Variants in CNTNAP5 observed in about 807,000 individuals in gnomAD.
CNTNAP5 encodes the protein contactin associated protein family member 5, also known as contactin-associated protein-like 5.
Under a neutral mutation model 150.2 loss-of-function variants are expected in CNTNAP5, and 72 were observed. The observed-to-expected ratio is 0.48, with a 90% CI of 0.40 to 0.58. The LOEUF (loss-of-function observed/expected upper bound fraction) is 0.58, where lower values mean the gene tolerates loss of function less well. CNTNAP5 is among the 20% of genes least tolerant of loss of function. The pLI, the probability that CNTNAP5 is intolerant of heterozygous loss-of-function variation, is 0.00. For missense variants in CNTNAP5, 1,636 were observed against 1,626.2 expected (o/e 1.01, Z -0.10); for synonymous variants, 672 against 619.8 (o/e 1.08, Z -1.25).
At chr2:124,588,214 T>TTC (rs1469901417) in intron 11 of CNTNAP5, among the ~76,000 whole-genome samples, 2 of 148,552 alleles carry the variant, frequency 1.3e-5, no homozygotes, top group African/African-American at 2.5e-5. Flanking sequence ...CTTTCTTTCT[T>TTC]TCTTTCTTTC....
At chr2:124,275,510 C>T (rs1687863322) in intron 3 of CNTNAP5, among the ~76,000 whole-genome samples, 1 of 152,098 alleles carries the variant, frequency 6.6e-6, no homozygotes, top group South Asian at 2.1e-4. Context: ...TGCATGGGCC[C>T]AGGTCCTGAC....
chr2:124,583,540 AC>A (rs1439456276), intron 11 of CNTNAP5, among the ~76,000 whole-genome samples: 11 of 152,218 alleles, frequency 7.2e-5, no homozygotes, highest in Non-Finnish European at 1.6e-4. Flanking sequence ...CATTAAAATA[AC>A]TTTTGTGAAG....
chr2:124,457,780 G>T (rs1310579745), intron 6 of CNTNAP5, among the ~76,000 whole-genome samples: 2 of 151,958 alleles, frequency 1.3e-5, no homozygotes, highest in African/African-American at 4.8e-5. Flanking sequence ...CTCAAAAGAA[G>T]ATATACAAAT....
intron 10 of CNTNAP5, among the ~76,000 whole-genome samples, chr2:124,533,878 G>C (rs1448656944): frequency 6.6e-6 from 1 of 152,206 alleles, no homozygotes; most frequent in African/African-American, 2.4e-5. Flanking sequence ...ACTGTTTGTT[G>C]TGAGGTACCC....
At chr2:124,512,133 T>G (rs1168359148) in intron 8 of CNTNAP5, among the ~76,000 whole-genome samples, 1 of 151,768 alleles carries the variant, frequency 6.6e-6, no homozygotes, top group African/African-American at 2.4e-5. Flanking sequence ...GGGACCGGCT[T>G]TCTTATAGCT....
chr2:124,909,126 C>G (rs575185834), intron 22 of CNTNAP5, among the ~76,000 whole-genome samples: 1 of 152,198 alleles, frequency 6.6e-6, no homozygotes, highest in African/African-American at 2.4e-5. Context: ...TGTCCTGGAC[C>G]TTCACCACTT....
chr2:124,653,850 A>G (rs1477940046), intron 13 of CNTNAP5, among the ~76,000 whole-genome samples: 4 of 151,628 alleles, frequency 2.6e-5, no homozygotes, highest in Admixed American at 1.3e-4. Flanking sequence ...CACTGAAAAA[A>G]CAGAGTTCTT....
At chr2:124,231,055 C>A (rs905982344) in intron 2 of CNTNAP5, among the ~76,000 whole-genome samples, 2 of 152,136 alleles carry the variant, frequency 1.3e-5, no homozygotes, top group South Asian at 2.1e-4. Flanking sequence ...GGACATCCAC[C>A]AGGAGCTTGT....
At chr2:124,677,278 T>C (rs1558731841) in intron 13 of CNTNAP5, among the ~76,000 whole-genome samples, 1 of 152,190 alleles carries the variant, frequency 6.6e-6, no homozygotes, top group Non-Finnish European at 1.5e-5. Context: ...GTTCATGGTC[T>C]TGCTGACTTC....
chr2:124,209,156 C>T (rs933044125), intron 1 of CNTNAP5, among the ~76,000 whole-genome samples: 5 of 152,182 alleles, frequency 3.3e-5, no homozygotes, highest in African/African-American at 1.2e-4. Flanking sequence ...ACTCATCAGA[C>T]TTCAAGGCCC....
chr2:124,448,658 T>C (rs866138539), intron 6 of CNTNAP5, among the ~76,000 whole-genome samples: 1 of 152,196 alleles, frequency 6.6e-6, no homozygotes, highest in Non-Finnish European at 1.5e-5. Context: ...TGTTTTTTTA[T>C]GATGTGTGAG....
At chr2:124,724,898 C>CT (rs892188561) in intron 13 of CNTNAP5, among the ~76,000 whole-genome samples, 47 of 134,192 alleles carry the variant, frequency 3.5e-4, no homozygotes, top group African/African-American at 1.2e-3. Context: ...AATCCCTCAG[C>CT]TTTTTTCAAG....
intron 13 of CNTNAP5, among the ~76,000 whole-genome samples, chr2:124,723,100 A>G (rs955427002): frequency 6.6e-5 from 10 of 152,180 alleles, no homozygotes; most frequent in Admixed American, 4.6e-4. Context: ...ACAGGCTGAT[A>G]CTTTTACAAA....
chr2:124,070,222 GA>G (rs1426105773), intron 1 of CNTNAP5, among the ~76,000 whole-genome samples: 1 of 151,424 alleles, frequency 6.6e-6, no homozygotes, highest in Admixed American at 6.6e-5. Flanking sequence ...TATACCATCA[GA>G]AAAATATCAC....
At chr2:124,612,255 T>C (rs367741145) in intron 12 of CNTNAP5, among the ~76,000 whole-genome samples, 1 of 152,202 alleles carries the variant, frequency 6.6e-6, no homozygotes, top group East Asian at 1.9e-4. Flanking sequence ...CATTTTAAAA[T>C]GAATGTTTAT....
At chr2:124,540,081 T>C (rs1036580573) in intron 10 of CNTNAP5, among the ~76,000 whole-genome samples, 25 of 152,306 alleles carry the variant, frequency 1.6e-4, no homozygotes, top group African/African-American at 5.1e-4. Flanking sequence ...TTGGATTTTA[T>C]GTCTTGCCAA....
chr2:124,440,292 C>T lies in CNTNAP5; in HGVS notation c.733+5605C>T, dbSNP rs531219057. Among the ~76,000 whole-genome samples the T allele has an allele frequency of 3.3e-5, 5 of 152,248 alleles. No individual in the cohort carries two copies. In the South Asian group the frequency reaches 6.2e-4, roughly 19 times the overall value. The stretch of plus-strand genomic sequence containing the variant: ...ATAGAGGCAGTCATGAGGGAATTCA[C>T]GTGACTAGCCACCTATTTTATCAAG... On this transcript the variant is annotated intron_variant, in intron 5 of 23. Coordinates refer to ENST00000682447, the MANE Select transcript of CNTNAP5 (RefSeq NM_001367498.1).
chr2:124,122,856 C>A (rs13409456), intron 1 of CNTNAP5, among the ~76,000 whole-genome samples: 20,248 of 151,696 alleles, frequency 0.13, 1,443 homozygotes, highest in Middle Eastern at 0.23. Context: ...CTTTGACACC[C>A]ATGTCAGTGC....
At chr2:124,458,291 TTTTATA>T (rs1484480300) in intron 6 of CNTNAP5, among the ~76,000 whole-genome samples, 6 of 13,748 alleles carry the variant, frequency 4.4e-4, no homozygotes, top group African/African-American at 3.3e-4. Flanking sequence ...TAATGTAATA[TTTTATA>T]TATATATATA....
Sources: gnomAD v4.1 joint callset for allele counts (sites outside exome capture counted in the v4.1 genomes callset) on GRCh38, gnomAD v4.1.1 for gene constraint, MANE v1.5 for transcripts, NCBI Gene and HGNC (gene_info 2026-07-23, HGNC 2026-07-21) for gene names.